The following NCAM1 variants were observed in gnomAD, a reference collection of about 807,000 sequenced individuals.
The protein encoded by NCAM1 is antigen recognized by monoclonal antibody 5.1H11.
Under a neutral mutation model 109.8 loss-of-function variants are expected in NCAM1, and 14 were observed. The ratio of observed to expected loss-of-function variants is 0.13; its 90% CI spans 0.08 to 0.20. The LOEUF (loss-of-function observed/expected upper bound fraction) is 0.20. Ranked by LOEUF, NCAM1 falls within the 10% of genes least tolerant of loss-of-function variation. The pLI, the probability that NCAM1 is intolerant of heterozygous loss-of-function variation, is 1.00. For missense variants in NCAM1, 774 were observed against 1,109.9 expected (o/e 0.70, Z 4.30); for synonymous variants, 418 against 442.9 (o/e 0.94, Z 0.70).
At chr11:113,105,265 C>T (rs1000967201) in intron 1 of NCAM1, among the ~76,000 whole-genome samples, 4 of 152,192 alleles carry the variant, frequency 2.6e-5, no homozygotes, top group Admixed American at 2.6e-4. Context: ...AAGACTGGCC[C>T]AGGAAGGGCA....
At chr11:113,052,862 C>G (rs782138215) in intron 1 of NCAM1, among the ~76,000 whole-genome samples, 18 of 152,160 alleles carry the variant, frequency 1.2e-4, no homozygotes, top group Admixed American at 6.5e-4. Flanking sequence ...CCACCCACCC[C>G]CCGACAGGGC....
At position 113,226,145 on chromosome 11, in the gene NCAM1, A is replaced by G. The variant is rs562185709; in HGVS notation, c.1089+4820A>G. On this transcript the variant is annotated intron_variant, in intron 9 of 19. Transcript: ENST00000316851. ...TAAAAGACACAGACTGGCAAGTTGGATAAAGAGTCAAGACCCATCAGTGTG... is the reference window on the plus strand; with the variant it reads ...TAAAAGACACAGACTGGCAAGTTGGGTAAAGAGTCAAGACCCATCAGTGTG... 1.8e-3 allele frequency among the ~76,000 whole-genome samples: 278 copies of G among 152,374 alleles called. 1 individual carries two copies. The highest frequency in any genetic ancestry group is 0.01 in the Middle Eastern group (3 of 294).
At chr11:113,211,349 T>A (rs1944387115) in intron 7 of NCAM1, among the ~76,000 whole-genome samples, 1 of 152,206 alleles carries the variant, frequency 6.6e-6, no homozygotes, top group Non-Finnish European at 1.5e-5. Context: ...CAAGAAGGAA[T>A]GTCCATCAGT....
At chr11:113,188,336 C>T (rs1276520388) in intron 1 of NCAM1, among the ~76,000 whole-genome samples, 1 of 152,142 alleles carries the variant, frequency 6.6e-6, no homozygotes, top group Non-Finnish European at 1.5e-5. Context: ...TCCTCAGTCA[C>T]CCCCAGGACT....
chr11:113,062,022 C>A (rs1937678051), intron 1 of NCAM1, among the ~76,000 whole-genome samples: 2 of 152,124 alleles, frequency 1.3e-5, no homozygotes, highest in African/African-American at 4.8e-5. Flanking sequence ...GGAGAAGTAC[C>A]CTACCTTGCA....
chr11:113,212,329 T>C (rs1240213338), intron 7 of NCAM1, among the ~76,000 whole-genome samples: 1 of 152,204 alleles, frequency 6.6e-6, no homozygotes, highest in African/African-American at 2.4e-5. Context: ...TATACAAAAT[T>C]AGCCATAATC....
chr11:112,995,046 C>T (rs1462297348), intron 1 of NCAM1, among the ~76,000 whole-genome samples: 1 of 152,054 alleles, frequency 6.6e-6, no homozygotes, highest in Non-Finnish European at 1.5e-5. Flanking sequence ...GAGGTAGGGA[C>T]CTTGTCTTAC....
chr11:112,972,888 C>T (rs2186708), intron 1 of NCAM1, among the ~76,000 whole-genome samples: 117,732 of 151,702 alleles, frequency 0.78, 46,175 homozygotes, highest in Non-Finnish European at 0.85. Context: ...GGGTGACGGC[C>T]TCATCATGAA....
intron 1 of NCAM1, among the ~76,000 whole-genome samples, chr11:112,992,927 T>C (rs1212667087): frequency 6.6e-6 from 1 of 152,240 alleles, no homozygotes; most frequent in East Asian, 1.9e-4. Context: ...GATTTATCAA[T>C]TTTTGTCCTT....
chr11:113,197,000 A>G (rs1311389214), intron 1 of NCAM1, among the ~76,000 whole-genome samples: 1 of 152,166 alleles, frequency 6.6e-6, no homozygotes, highest in Non-Finnish European at 1.5e-5. Flanking sequence ...GGTGGAAGGG[A>G]AAGCAGCACA....
chr11:113,158,582 G>A (rs1420645779), intron 1 of NCAM1, among the ~76,000 whole-genome samples: 1 of 152,148 alleles, frequency 6.6e-6, no homozygotes, highest in Admixed American at 6.5e-5. Context: ...TGTTGCTCCT[G>A]TAATAAGCCA....
rs372351899 is a variant in NCAM1 at position 113,232,747 on chromosome 11, G to A, written c.1455G>A (p.Gly485=). The A allele has an allele frequency of 2.5e-6, 4 of 1,613,752 alleles. No homozygotes were observed. Among genetic ancestry groups the A allele is most frequent in the Non-Finnish European group, 2.5e-6 (3 of 1,179,844 alleles). The change falls in exon 12 of 20, where the codon GGG becomes GGA. Residue 485 remains glycine, a synonymous_variant. Transcript: ENST00000316851. The part of the protein sequence containing the change: ...EVTPDSENDF[G]NYNCTAVNRI... The stretch of plus-strand genomic sequence containing the variant: ...CCCCAGACTCTGAGAATGATTTTGG[G>A]AACTACAACTGTACTGCAGTGAACC...
intron 1 of NCAM1, among the ~76,000 whole-genome samples, chr11:112,975,269 C>T (rs1555067476): frequency 6.6e-6 from 1 of 152,024 alleles, no homozygotes; most frequent in Admixed American, 6.6e-5. Flanking sequence ...TTTATGAACA[C>T]ATTGGCAAGT....
intron 1 of NCAM1, among the ~76,000 whole-genome samples, chr11:113,102,899 G>A (rs548464592): frequency 6.6e-6 from 1 of 152,110 alleles, no homozygotes; most frequent in Non-Finnish European, 1.5e-5. Context: ...TACTTCCTTT[G>A]TTCCCTCATA....
At chr11:113,012,734 G>C (rs1156768753) in intron 1 of NCAM1, among the ~76,000 whole-genome samples, 1 of 152,196 alleles carries the variant, frequency 6.6e-6, no homozygotes, top group Non-Finnish European at 1.5e-5. Context: ...AAGGACGCCA[G>C]TCATTGAGTT....
intron 16 of NCAM1, among the ~76,000 whole-genome samples, chr11:113,256,614 A>C (rs1014592875): frequency 1.3e-5 from 2 of 152,124 alleles, no homozygotes; most frequent in African/African-American, 4.8e-5. Context: ...CCAGCCCTTC[A>C]CTTGGCCACC....
chr11:113,067,903 C>T (rs1938043587), intron 1 of NCAM1, among the ~76,000 whole-genome samples: 1 of 143,914 alleles, frequency 6.9e-6, no homozygotes, highest in East Asian at 2.1e-4. Flanking sequence ...ATTCATATAA[C>T]AAGTTTTTTT....
intron 1 of NCAM1, among the ~76,000 whole-genome samples, chr11:113,198,031 T>TA (rs1160772112): frequency 5.9e-5 from 9 of 151,606 alleles, no homozygotes; most frequent in East Asian, 1.9e-4. Context: ...ATCATCAGTT[T>TA]AAAAAAAAAG....
intron 1 of NCAM1, among the ~76,000 whole-genome samples, chr11:113,161,278 T>G (rs1555104346): frequency 6.6e-6 from 1 of 152,204 alleles, no homozygotes; most frequent in Non-Finnish European, 1.5e-5. Context: ...TTCAGAACGT[T>G]TTACTTCTTT....
Sources: gnomAD v4.1 joint callset for allele counts (sites outside exome capture counted in the v4.1 genomes callset) on GRCh38, gnomAD v4.1.1 for gene constraint, MANE v1.5 for transcripts, NCBI Gene and HGNC (gene_info 2026-07-23, HGNC 2026-07-21) for gene names.